The following PCDHA7 variants were observed in gnomAD, a reference collection of about 807,000 sequenced individuals.
PCDHA7 encodes the protein protocadherin alpha 7, also known as protocadherin alpha-7.
Under a neutral mutation model 57.2 loss-of-function variants are expected in PCDHA7, and 37 were observed. The ratio of observed to expected loss-of-function variants is 0.65; its 90% CI spans 0.50 to 0.85. The LOEUF is 0.85. Ranked by LOEUF, PCDHA7 falls within the 40% of genes least tolerant of loss-of-function variation. PCDHA7 has a pLI of 0.00. For missense variants in PCDHA7, 1,188 were observed against 1,241.8 expected, an observed-to-expected ratio of 0.96 and a Z score of 0.65; for synonymous variants, 553 against 558.8, an observed-to-expected ratio of 0.99 and a Z score of 0.15.
Position 140,982,458 on chromosome 5 carries a change from T to C in PCDHA7, c.2415-17T>C, listed in dbSNP as rs1554244201. 1 of 1,613,996 alleles carries C rather than the reference T, an allele frequency of 6.2e-7. No homozygotes were observed. Among genetic ancestry groups the C allele is most frequent in the Non-Finnish European group, 8.5e-7 (1 of 1,179,964 alleles). ...ATTTATGATCTAACCGTTATCTGGG[T>C]CTGTGTGTTTATTCAGCTCTGTGCA... On this transcript the variant is annotated splice_polypyrimidine_tract_variant and intron_variant, in intron 2 of 3. Transcript: ENST00000525929.
At chr5:140,849,851 A>C (rs148732691) in intron 1 of PCDHA7, 9 of 1,598,252 alleles carry the variant, frequency 5.6e-6, no homozygotes, top group East Asian at 4.5e-5. Context: ...ACGACAACGC[A>C]CCAGCGTTCG....
chr5:140,849,895 A>G (rs2150456565), intron 1 of PCDHA7: 1 of 1,598,460 alleles, frequency 6.3e-7, no homozygotes, highest in South Asian at 1.1e-5. Flanking sequence ...GTGAAGGAGA[A>G]CAACCCGCCG....
intron 1 of PCDHA7, chr5:140,863,344 T>C (rs1554158123): frequency 1.5e-6 from 2 of 1,323,546 alleles, no homozygotes; most frequent in Admixed American, 1.8e-5. Context: ...GTTGCTGCTG[T>C]ACACGACGCT....
At chr5:140,904,519 A>C (rs576512079) in intron 1 of PCDHA7, among the ~76,000 whole-genome samples, 2 of 152,174 alleles carry the variant, frequency 1.3e-5, no homozygotes, top group Non-Finnish European at 2.9e-5. Context: ...GTGCTGCTAT[A>C]AACTTGTGTG....
At chr5:140,955,692 T>A (rs1021752704) in intron 1 of PCDHA7, among the ~76,000 whole-genome samples, 1 of 152,196 alleles carries the variant, frequency 6.6e-6, no homozygotes, top group African/African-American at 2.4e-5. Context: ...CTGTGATGAA[T>A]GTCAATGGAA....
intron 1 of PCDHA7, chr5:140,857,490 C>T (rs1554150112): frequency 1.3e-6 from 2 of 1,598,382 alleles, no homozygotes; most frequent in East Asian, 4.5e-5. Context: ...GCGTGGGACG[C>T]GGACGCGCAG....
chr5:140,969,822 G>A (rs559271640), intron 1 of PCDHA7, among the ~76,000 whole-genome samples: 68 of 152,320 alleles, frequency 4.5e-4, no homozygotes, highest in Non-Finnish European at 8.4e-4. Flanking sequence ...ACTCTGGACT[G>A]TCTACAGTGG....
intron 1 of PCDHA7, chr5:140,858,242 C>G (rs1554151322): frequency 6.3e-7 from 1 of 1,596,300 alleles, no homozygotes; most frequent in Non-Finnish European, 8.6e-7. Flanking sequence ...CGCATGTGGG[C>G]CGGTGAAGCC....
At chr5:140,884,175 C>T in intron 1 of PCDHA7, 1 of 1,613,438 alleles carries the variant, frequency 6.2e-7, no homozygotes, top group Non-Finnish European at 8.5e-7. Context: ...ACGACGCGCC[C>T]TCTGGACGAG....
chr5:140,855,892 G>A, intron 1 of PCDHA7: 3 of 1,011,396 alleles, frequency 3.0e-6, no homozygotes, highest in Non-Finnish European at 4.3e-6. Context: ...TAGAACAAAG[G>A]CATCAGCCAG....
chr5:140,867,634 A>G (rs2050082134), intron 1 of PCDHA7: 1 of 152,166 alleles, frequency 6.6e-6, no homozygotes, highest in Admixed American at 6.5e-5. Flanking sequence ...TATTTAAGCT[A>G]GAGTGATATT....
intron 1 of PCDHA7, among the ~76,000 whole-genome samples, chr5:140,952,087 C>T (rs2094684318): frequency 6.6e-6 from 1 of 152,162 alleles, no homozygotes. Context: ...CTCCATGTCT[C>T]ACATCCAGGG....
Position 140,849,199 on chromosome 5 carries a change from A to G in PCDHA7, c.2355+12461A>G, listed in dbSNP as rs1581177103. 1 of 1,039,422 alleles carries G rather than the reference A, an allele frequency of 9.6e-7. No homozygotes were observed. The allele number at this position is 1,039,422 out of a possible 1,614,324, so 64.4% of individuals were successfully genotyped here. On this transcript the variant is annotated intron_variant, in intron 1 of 3. Transcript: ENST00000525929. Reference sequence around the variant, plus strand: ...CAATTACTCATCACGGTACTGGACAACAATGACAATGCCCCAGTGTTCGAC... The same window carrying G: ...CAATTACTCATCACGGTACTGGACAGCAATGACAATGCCCCAGTGTTCGAC...
intron 1 of PCDHA7, among the ~76,000 whole-genome samples, chr5:140,964,685 A>G (rs1209867922): frequency 1.3e-5 from 2 of 152,036 alleles, no homozygotes; most frequent in African/African-American, 4.8e-5. Context: ...CAATTTGTGC[A>G]CTTGAGAGAT....
At chr5:141,003,331 TTTTG>T (rs1554259005) in intron 3 of PCDHA7, among the ~76,000 whole-genome samples, 2 of 152,142 alleles carry the variant, frequency 1.3e-5, no homozygotes, top group Non-Finnish European at 2.9e-5. Flanking sequence ...GGGCAGGGTT[TTTTG>T]TTTGTTTGCT....
In PCDHA7 at chr5:140,862,738, T is replaced by C. The variant is rs189052602; in HGVS notation, c.2355+26000T>C. 560 of 577,110 alleles carry C rather than the reference T, an allele frequency of 9.7e-4. 3 individuals are homozygous for C. The highest frequency in any genetic ancestry group is 1.5e-3 in the Non-Finnish European group (445 of 297,984). 35.7% of individuals were successfully genotyped at this position (577,110 alleles called of 1,614,324 possible). ...CGAGTGCGCGCTGTCTAGCTATGTG[T>C]GGGTGCACGCGGAGAGCGGCAAGAG... On this transcript the variant is annotated intron_variant, in intron 1 of 3. Coordinates refer to ENST00000525929, the MANE Select transcript of PCDHA7 (RefSeq NM_018910.3).
At chr5:140,969,514 G>T (rs2096339995) in intron 1 of PCDHA7, 3 of 1,414,044 alleles carry the variant, frequency 2.1e-6, no homozygotes, top group Admixed American at 2.8e-5. Flanking sequence ...TAGCACTAAA[G>T]AATTGTTTTA....
intron 3 of PCDHA7, among the ~76,000 whole-genome samples, chr5:140,991,118 A>T (rs2153893669): frequency 6.6e-6 from 1 of 152,340 alleles, no homozygotes; most frequent in South Asian, 2.1e-4. Context: ...GCTTTCTTAC[A>T]TTCACACAGC....
intron 1 of PCDHA7, among the ~76,000 whole-genome samples, chr5:140,895,496 T>A (rs1364776623): frequency 1.3e-5 from 2 of 152,216 alleles, no homozygotes; most frequent in African/African-American, 4.8e-5. Flanking sequence ...TATTCAGAAC[T>A]TTTGCCCAAT....
Sources: allele counts gnomAD v4.1 joint callset (sites outside exome capture counted in the v4.1 genomes callset), GRCh38; gene constraint gnomAD v4.1.1; transcripts MANE v1.5; gene names NCBI Gene and HGNC (gene_info 2026-07-23, HGNC 2026-07-21).